The following COL21A1 variants were observed in gnomAD, a reference collection of about 807,000 sequenced individuals.
The protein encoded by COL21A1 is collagen type XXI alpha 1 chain.
In COL21A1, 149 loss-of-function variants were observed where a neutral mutation model predicts 137.9. That is an observed-to-expected ratio of 1.08 (90% CI 0.95 to 1.24). COL21A1 has a LOEUF of 1.24. Among genes scored for constraint, COL21A1 ranks in the 50% most tolerant of loss-of-function variants. COL21A1 has a pLI of 0.00. For synonymous variants in COL21A1, 456 were observed against 391.5 expected (o/e 1.16, Z -1.95); for missense variants, 1,167 against 1,158.4 (o/e 1.01, Z -0.11).
chr6:56,368,746 G>A (rs1434250797), intron 1 of COL21A1, among the ~76,000 whole-genome samples: 2 of 152,104 alleles, frequency 1.3e-5, no homozygotes, highest in Non-Finnish European at 2.9e-5. Flanking sequence ...AATTCTCTGT[G>A]AGCAAGTGTC....
intron 1 of COL21A1, among the ~76,000 whole-genome samples, chr6:56,187,633 T>C (rs1042909811): frequency 1.3e-5 from 2 of 152,028 alleles, no homozygotes; most frequent in Non-Finnish European, 2.9e-5. Context: ...AATAAACACA[T>C]GGAATAAAAT....
In COL21A1 at chr6:56,349,504, A is replaced by C. The variant is rs562437564; in HGVS notation, c.-39+44467T>G. On this transcript the variant is annotated intron_variant, in intron 1 of 28. Coordinates refer to the COL21A1 transcript ENST00000370819. ...GACCAAAAAAATGAAGGATGTTAAG[A>C]GCTATCACCAAAGTGGCAATAGGTA... is the stretch of plus-strand genomic sequence containing the variant. Among the ~76,000 whole-genome samples the C allele has an allele frequency of 9.2e-5, 14 of 152,342 alleles. No individual in the cohort carries two copies. In the South Asian group the frequency reaches 2.7e-3, roughly 29 times the overall value.
At chr6:56,128,397 T>C (rs1316780316) in intron 12 of COL21A1, among the ~76,000 whole-genome samples, 1 of 152,170 alleles carries the variant, frequency 6.6e-6, no homozygotes. Flanking sequence ...TATTTGGTGA[T>C]TCTTTATTGT....
chr6:56,091,887 G>A (rs1279624458), intron 17 of COL21A1, among the ~76,000 whole-genome samples: 4 of 152,030 alleles, frequency 2.6e-5, no homozygotes, highest in African/African-American at 9.7e-5. Flanking sequence ...TTCAACTACT[G>A]GTAAATTTAT....
chr6:56,298,555 T>C (rs1378545460), intron 1 of COL21A1, among the ~76,000 whole-genome samples: 2 of 151,882 alleles, frequency 1.3e-5, no homozygotes, highest in Non-Finnish European at 2.9e-5. Flanking sequence ...CTAAAAATAG[T>C]AATAAGGAGT....
chr6:56,137,196 A>G (rs1472507251), intron 12 of COL21A1, among the ~76,000 whole-genome samples: 1 of 152,202 alleles, frequency 6.6e-6, no homozygotes, highest in African/African-American at 2.4e-5. Context: ...ATCTAAAATG[A>G]GCACAGTATG....
intron 1 of COL21A1, among the ~76,000 whole-genome samples, chr6:56,346,286 T>C (rs1252436205): frequency 6.6e-6 from 1 of 152,240 alleles, no homozygotes; most frequent in Non-Finnish European, 1.5e-5. Flanking sequence ...TTGGTTTGTC[T>C]ATTGACCATA....
intron 1 of COL21A1, among the ~76,000 whole-genome samples, chr6:56,186,379 AT>A (rs1425045030): frequency 6.6e-6 from 1 of 152,222 alleles, no homozygotes; most frequent in African/African-American, 2.4e-5. Context: ...CTATAAAAAA[AT>A]CGACATACAA....
At chr6:56,135,236 AAAC>A (rs2152228337) in intron 12 of COL21A1, among the ~76,000 whole-genome samples, 1 of 152,228 alleles carries the variant, frequency 6.6e-6, no homozygotes, top group African/African-American at 2.4e-5. Context: ...TCACACATAC[AAAC>A]AACAACTTAT....
chr6:56,357,991 T>C (rs1266911357), intron 1 of COL21A1, among the ~76,000 whole-genome samples: 1 of 152,210 alleles, frequency 6.6e-6, no homozygotes, highest in Non-Finnish European at 1.5e-5. Flanking sequence ...ACTTACCTTT[T>C]TATACATGCA....
chr6:56,079,369 TA>T (rs1767542749), intron 17 of COL21A1, among the ~76,000 whole-genome samples: 1 of 151,736 alleles, frequency 6.6e-6, no homozygotes, highest in African/African-American at 2.4e-5. Flanking sequence ...TTTAATTATT[TA>T]AAGTTTTTAT....
At chr6:56,099,972 G>C (rs1251928821) in intron 17 of COL21A1, among the ~76,000 whole-genome samples, 1 of 152,082 alleles carries the variant, frequency 6.6e-6, no homozygotes, top group South Asian at 2.1e-4. Flanking sequence ...CTCATACACT[G>C]CCTCTAAAAC....
At chr6:56,252,703 G>A (rs1782881681) in intron 1 of COL21A1, among the ~76,000 whole-genome samples, 1 of 152,112 alleles carries the variant, frequency 6.6e-6, no homozygotes. Flanking sequence ...TTTAGATTAG[G>A]AGAGAGTAGG....
chr6:56,312,428 T>A (rs923411219), intron 1 of COL21A1, among the ~76,000 whole-genome samples: 2 of 152,206 alleles, frequency 1.3e-5, no homozygotes, highest in Admixed American at 1.3e-4. Flanking sequence ...TTCAGGCACA[T>A]GTGACTGGGA....
intron 1 of COL21A1, among the ~76,000 whole-genome samples, chr6:56,303,942 G>A (rs1481320258): frequency 6.6e-6 from 1 of 152,156 alleles, no homozygotes; most frequent in Non-Finnish European, 1.5e-5. Flanking sequence ...TTAGCATGAA[G>A]GGTTGTTGAG....
chr6:56,079,138 A>C (rs1582267252), intron 17 of COL21A1, among the ~76,000 whole-genome samples: 1 of 151,688 alleles, frequency 6.6e-6, no homozygotes, highest in Admixed American at 6.6e-5. Flanking sequence ...TCAAATACCC[A>C]CACACGTGTG....
At chr6:56,099,971 T>C (rs1041182333) in intron 17 of COL21A1, among the ~76,000 whole-genome samples, 1 of 152,312 alleles carries the variant, frequency 6.6e-6, no homozygotes, top group Admixed American at 6.5e-5. Context: ...GCTCATACAC[T>C]GCCTCTAAAA....
At chr6:56,069,177 G>T in intron 21 of COL21A1, 60 bp from the exon 22 acceptor site, 4 of 1,098,584 alleles carry the variant, frequency 3.6e-6, no homozygotes, top group South Asian at 3.0e-5. Flanking sequence ...AAGCACCACT[G>T]TTTTTATCTC....
At chr6:56,334,208 C>T (rs1765291436) in intron 1 of COL21A1, among the ~76,000 whole-genome samples, 1 of 152,138 alleles carries the variant, frequency 6.6e-6, no homozygotes, top group Non-Finnish European at 1.5e-5. Flanking sequence ...TGTCCATCTG[C>T]CCTCCAGAAA....
Sources: allele counts gnomAD v4.1 joint callset (sites outside exome capture counted in the v4.1 genomes callset), GRCh38; gene constraint gnomAD v4.1.1; transcripts MANE v1.5; gene names NCBI Gene and HGNC (gene_info 2026-07-23, HGNC 2026-07-21).